Variants in TBC1D22B observed in about 807,000 individuals in gnomAD.
The protein encoded by TBC1D22B is TBC1 domain family member 22B.
In TBC1D22B, 32 loss-of-function variants were observed where a neutral mutation model predicts 69.1. That is an observed-to-expected ratio of 0.46 (90% CI 0.35 to 0.62). The LOEUF (loss-of-function observed/expected upper bound fraction) is 0.62. TBC1D22B is among the 20% of genes least tolerant of loss of function. The pLI, the probability that TBC1D22B is intolerant of heterozygous loss-of-function variation, is 0.00. For synonymous variants in TBC1D22B, 206 were observed against 229.8 expected (o/e 0.90, Z 0.94); for missense variants, 462 against 630.9 (o/e 0.73, Z 2.87).
At chr6:37,272,851 T>C (rs1263056415) in intron 2 of TBC1D22B, among the ~76,000 whole-genome samples, 1 of 152,242 alleles carries the variant, frequency 6.6e-6, no homozygotes, top group Non-Finnish European at 1.5e-5. Context: ...TCCCTGTGCC[T>C]GCTTCTTTCA....
chr6:37,327,069 G>A (rs1416495155), intron 12 of TBC1D22B, among the ~76,000 whole-genome samples: 2 of 152,156 alleles, frequency 1.3e-5, no homozygotes, highest in Non-Finnish European at 2.9e-5. Context: ...GGGACATGGT[G>A]CGGGAAGGAG....
rs193255636 is a variant in TBC1D22B, at chr6:37,312,882, A to G, written c.983-36A>G. On this transcript the variant is annotated intron_variant, in intron 8 of 12. Coordinates refer to ENST00000373491, the MANE Select transcript of TBC1D22B (RefSeq NM_017772.4). ...TATCTTTCTCTCTCCATTTTTAGATAAGACCTCTGGACTTTCTTCACCTTT... is the reference window on the plus strand; with the variant it reads ...TATCTTTCTCTCTCCATTTTTAGATGAGACCTCTGGACTTTCTTCACCTTT... 8 of 1,544,058 alleles carry G rather than the reference A, an allele frequency of 5.2e-6. No individual in the cohort carries two copies. In the East Asian group the frequency reaches 1.6e-4, roughly 30 times the overall value.
At chr6:37,301,002 CTCTG>C (rs1332866278) in intron 8 of TBC1D22B, among the ~76,000 whole-genome samples, 1 of 152,154 alleles carries the variant, frequency 6.6e-6, no homozygotes, top group Non-Finnish European at 1.5e-5. Context: ...GCAGCCACTA[CTCTG>C]TCTGTTTCTA....
chr6:37,285,869 G>A (rs563315084), intron 6 of TBC1D22B, among the ~76,000 whole-genome samples: 2 of 152,240 alleles, frequency 1.3e-5, no homozygotes, highest in Non-Finnish European at 1.5e-5. Flanking sequence ...TGATCCACCC[G>A]CCTCAGCCTC....
intron 8 of TBC1D22B, among the ~76,000 whole-genome samples, chr6:37,310,622 C>T (rs756380365): frequency 1.4e-4 from 21 of 152,240 alleles, no homozygotes; most frequent in Middle Eastern, 3.4e-3. Context: ...GAGCTGAGAT[C>T]GTGCCATTGC....
chr6:37,325,935 A>T (rs1198713490), intron 12 of TBC1D22B, among the ~76,000 whole-genome samples: 1 of 152,196 alleles, frequency 6.6e-6, no homozygotes, highest in Non-Finnish European at 1.5e-5. Flanking sequence ...CATAGCCACC[A>T]GGTGGCAGAG....
Position 37,331,217 on chromosome 6 carries a change from CAGTCTG to C in TBC1D22B, c.*47_*52del, listed in dbSNP as rs1768573445. 6.2e-7 allele frequency: 1 copy of C among 1,605,214 alleles called. No individual in the cohort carries two copies. Among genetic ancestry groups the C allele is most frequent in the East Asian group, 2.2e-5 (1 of 44,788 alleles). ...CCCAGACTGCCTTCATCTCTGATGG[CAGTCTG>C]ATCACTGTGGCCACTGTGCGAGCCG... is the stretch of plus-strand genomic sequence containing the variant. On this transcript the variant is annotated 3_prime_UTR_variant, in exon 13 of 13. Coordinates refer to ENST00000373491, the MANE Select transcript of TBC1D22B (RefSeq NM_017772.4).
chr6:37,320,289 A>G (rs2113788276), intron 12 of TBC1D22B, among the ~76,000 whole-genome samples: 1 of 152,242 alleles, frequency 6.6e-6, no homozygotes, highest in Non-Finnish European at 1.5e-5. Flanking sequence ...CCCAGCTCTC[A>G]CACTTTCCTA....
At chr6:37,322,298 G>A (rs539692074) in intron 12 of TBC1D22B, among the ~76,000 whole-genome samples, 2 of 152,332 alleles carry the variant, frequency 1.3e-5, no homozygotes, top group African/African-American at 4.8e-5. Context: ...AGCACTTTGG[G>A]AGGCCACGGC....
At chr6:37,261,432 CAAA>C (rs56999111) in intron 1 of TBC1D22B, among the ~76,000 whole-genome samples, 5 of 75,930 alleles carry the variant, frequency 6.6e-5, no homozygotes, top group Admixed American at 1.5e-4. Flanking sequence ...AGATTGTCTC[CAAA>C]AAAAAAAAAA....
intron 8 of TBC1D22B, among the ~76,000 whole-genome samples, chr6:37,297,661 T>A (rs1373391163): frequency 6.6e-6 from 1 of 152,208 alleles, no homozygotes; most frequent in Non-Finnish European, 1.5e-5. Flanking sequence ...CCTTTCTTAT[T>A]GCTTATCTTT....
At chr6:37,314,931 T>A (rs1186155062) in intron 10 of TBC1D22B, among the ~76,000 whole-genome samples, 2 of 152,182 alleles carry the variant, frequency 1.3e-5, no homozygotes, top group Non-Finnish European at 2.9e-5. Flanking sequence ...TTCCCGTATG[T>A]CACATGTGGA....
chr6:37,271,235 C>G (rs1226932306), intron 2 of TBC1D22B, among the ~76,000 whole-genome samples: 2 of 152,124 alleles, frequency 1.3e-5, no homozygotes, highest in Non-Finnish European at 2.9e-5. Context: ...ATTGCTTGAC[C>G]CTGGGAGCCA....
chr6:37,331,145 C>T lies in TBC1D22B; in HGVS notation c.1491C>T (p.Ala497=), dbSNP rs749035256. ...CATACAGACTCAAGTACATGTTTGC[C>T]GATGCCCCAAATCACTACCGCCGAT... ...AEAYRLKYMF[A]DAPNHYRR Residue 497 remains alanine (A), a synonymous_variant, in exon 13 of 13, where the codon GCC becomes GCT. Transcript: ENST00000373491. 3.7e-6 allele frequency: 6 copies of T among 1,613,996 alleles called. No individual in the cohort carries two copies. In the African/African-American group the frequency reaches 4.0e-5, roughly 11 times the overall value.
chr6:37,330,677 T>G (rs1768558223), intron 12 of TBC1D22B, among the ~76,000 whole-genome samples: 1 of 152,210 alleles, frequency 6.6e-6, no homozygotes, highest in South Asian at 2.1e-4. Flanking sequence ...TTACAACTAT[T>G]TAAAGAAATA....
chr6:37,285,159 C>T (rs1051465242), intron 6 of TBC1D22B, among the ~76,000 whole-genome samples: 4 of 150,392 alleles, frequency 2.7e-5, no homozygotes, highest in African/African-American at 1.0e-4. Flanking sequence ...CTGAAGTAGC[C>T]TCTGCTGCTG....
chr6:37,274,268 T>C (rs938302523), intron 2 of TBC1D22B, among the ~76,000 whole-genome samples: 3 of 152,232 alleles, frequency 2.0e-5, no homozygotes, highest in Non-Finnish European at 4.4e-5. Flanking sequence ...CTTGTCAGTG[T>C]CAAACATTTT....
At chr6:37,328,315 AATAG>A (rs374555686) in intron 12 of TBC1D22B, among the ~76,000 whole-genome samples, 1 of 147,830 alleles carries the variant, frequency 6.8e-6, no homozygotes, top group African/African-American at 2.7e-5. Flanking sequence ...TAAATAAATA[AATAG>A]ATAGATAGAT....
intron 1 of TBC1D22B, among the ~76,000 whole-genome samples, chr6:37,268,242 C>G (rs1766367177): frequency 6.6e-6 from 1 of 151,900 alleles, no homozygotes; most frequent in South Asian, 2.1e-4. Flanking sequence ...TCTTTCTTCT[C>G]TCCCTTCTCT....
Sources: allele counts gnomAD v4.1 joint callset (sites outside exome capture counted in the v4.1 genomes callset), GRCh38; gene constraint gnomAD v4.1.1; transcripts MANE v1.5; gene names NCBI Gene and HGNC (gene_info 2026-07-23, HGNC 2026-07-21).